Variants in SLC44A5 observed in about 807,000 individuals in gnomAD.
SLC44A5 encodes the protein choline transporter-like protein 5.
Under a neutral mutation model 101.8 loss-of-function variants are expected in SLC44A5, and 57 were observed. The observed-to-expected ratio is 0.56, with a 90% confidence interval of 0.45 to 0.70. The LOEUF (loss-of-function observed/expected upper bound fraction) is 0.70. SLC44A5 is among the 30% of genes least tolerant of loss of function. The probability of loss-of-function intolerance (pLI) is 0.00; values close to 1 mark genes in which losing one functional copy is unlikely to be tolerated. For synonymous variants in SLC44A5, 281 were observed against 290.9 expected, an observed-to-expected ratio of 0.97 and a Z score of 0.35; for missense variants, 737 against 853.1, an observed-to-expected ratio of 0.86 and a Z score of 1.70.
intron 3 of SLC44A5, among the ~76,000 whole-genome samples, chr1:75,367,275 G>A (rs542195088): frequency 6.6e-6 from 1 of 152,322 alleles, no homozygotes; most frequent in Admixed American, 6.5e-5. Context: ...AGTTCTTGCT[G>A]GGTCCACAGT....
intron 12 of SLC44A5, among the ~76,000 whole-genome samples, chr1:75,228,378 C>A: frequency 6.6e-6 from 1 of 151,964 alleles, no homozygotes; most frequent in East Asian, 1.9e-4. Flanking sequence ...CTTCCACTTT[C>A]TTTTGTTATT....
intron 2 of SLC44A5, among the ~76,000 whole-genome samples, chr1:75,502,790 T>C (rs1669038060): frequency 6.6e-6 from 1 of 150,860 alleles, no homozygotes; most frequent in Non-Finnish European, 1.5e-5. Context: ...AAAATTAATA[T>C]TACAAAAATG....
At chr1:75,550,667 A>ACAG (rs1282985524) in intron 1 of SLC44A5, among the ~76,000 whole-genome samples, 3 of 152,172 alleles carry the variant, frequency 2.0e-5, no homozygotes, top group African/African-American at 7.2e-5. Context: ...AAAAGCAGTA[A>ACAG]CAGCAGAGAC....
chr1:75,302,116 T>TTTTG (rs1654518563), intron 4 of SLC44A5, among the ~76,000 whole-genome samples: 21 of 136,158 alleles, frequency 1.5e-4, no homozygotes, highest in Non-Finnish European at 1.1e-4. Context: ...TTTTTTGTTT[T>TTTTG]TTTTTTTTTT....
In SLC44A5 at chr1:75,316,376, CCCAGCTTAAATGTTACCACCTCTGTGAAG is replaced by C. The variant is rs1292944868; in HGVS notation, c.102-15720_102-15692del. On this transcript the variant is annotated intron_variant, in intron 4 of 23. Transcript: ENST00000370859. ...AAAACTTGTTAAAACATCATCAACA[CCCAGCTTAAATGTTACCACCTCTGTGAAG>C]CCAGCTTAAATGTTACCACCTCTGT... Among the ~76,000 whole-genome samples the C allele has an allele frequency of 1.8e-3, 275 of 152,270 alleles. 1 individual carries two copies. The highest frequency in any genetic ancestry group is 6.0e-3 in the African/African-American group (251 of 41,544).
At chr1:75,326,080 T>C (rs1275661704) in intron 4 of SLC44A5, among the ~76,000 whole-genome samples, 2 of 140,742 alleles carry the variant, frequency 1.4e-5, no homozygotes, top group Non-Finnish European at 3.0e-5. Context: ...CAGATAGTGA[T>C]GTGCTCTCTC....
rs114454215 is a variant in SLC44A5 at position 75,307,477 on chromosome 1, G to A, written c.102-6792C>T. ...CATCTTTCAAGCTTCACTGAGATAC[G>A]TTTGGCAAACTGCAGACCATGCTGT... On this transcript the variant is annotated intron_variant, in intron 4 of 23. Coordinates refer to ENST00000370859, the MANE Select transcript of SLC44A5 (RefSeq NM_001130058.2). 5.1e-3 allele frequency among the ~76,000 whole-genome samples: 774 copies of A among 152,300 alleles called. 8 individuals are homozygous for A. Among genetic ancestry groups the A allele is most frequent in the African/African-American group, 0.018 (747 of 41,564 alleles).
chr1:75,674,882 G>A, the SLC44A5 span, among the ~76,000 whole-genome samples: 1 of 152,106 alleles, frequency 6.6e-6, no homozygotes, highest in African/African-American at 2.4e-5. Context: ...ATTCTCCATT[G>A]CTTGTTTTTG....
chr1:75,230,798 G>A (rs1647483856), intron 12 of SLC44A5, among the ~76,000 whole-genome samples: 1 of 152,034 alleles, frequency 6.6e-6, no homozygotes, highest in South Asian at 2.1e-4. Context: ...TGTATTTTTA[G>A]TAGAGACAGG....
At chr1:75,352,439 T>G (rs1480521704) in intron 3 of SLC44A5, among the ~76,000 whole-genome samples, 1 of 149,852 alleles carries the variant, frequency 6.7e-6, no homozygotes, top group Non-Finnish European at 1.5e-5. Flanking sequence ...CTGTTTTTTG[T>G]TTTTTTTTTA....
intron 2 of SLC44A5, among the ~76,000 whole-genome samples, chr1:75,533,536 C>T (rs1263939178): frequency 6.6e-6 from 1 of 152,164 alleles, no homozygotes; most frequent in African/African-American, 2.4e-5. Flanking sequence ...TACCTGATTA[C>T]AAAACTTATC....
chr1:75,641,502 C>T, the SLC44A5 span: 2 of 1,462,086 alleles, frequency 1.4e-6, no homozygotes, highest in South Asian at 2.3e-5. Context: ...TAAATGTAAA[C>T]ATTGTGATCT....
the SLC44A5 span, among the ~76,000 whole-genome samples, chr1:75,698,253 G>A: frequency 6.6e-6 from 1 of 152,216 alleles, no homozygotes; most frequent in Admixed American, 6.5e-5. Flanking sequence ...AAATGTCCCT[G>A]TCTGACAGCT....
intron 1 of SLC44A5, among the ~76,000 whole-genome samples, chr1:75,557,340 G>A (rs964540144): frequency 2.6e-5 from 4 of 152,110 alleles, no homozygotes; most frequent in Non-Finnish European, 5.9e-5. Flanking sequence ...ACTTTTTAGA[G>A]TAGCATTATT....
At chr1:75,584,124 G>C (rs1673859531) in intron 1 of SLC44A5, among the ~76,000 whole-genome samples, 1 of 152,208 alleles carries the variant, frequency 6.6e-6, no homozygotes, top group Admixed American at 6.5e-5. Context: ...AACTAACTGG[G>C]GAGGAGAGAT....
At position 75,281,649 on chromosome 1, in the gene SLC44A5, C is replaced by T. The variant is rs1011864234; in HGVS notation, c.176-6607G>A. Among the ~76,000 whole-genome samples the T allele has an allele frequency of 4.6e-4, 47 of 101,266 alleles. 3 individuals are homozygous for T. The highest frequency in any genetic ancestry group is 6.8e-4 in the Non-Finnish European group (30 of 44,220). The allele number at this position is 101,266 out of a possible 152,430, so 66.4% of individuals were successfully genotyped here. Reference sequence around the variant, plus strand: ...GGCTGGTGCCAGGCCCCCCCCCCCCCCCGCTGCATTTAGCCTAGGGACTTG... The same window carrying T: ...GGCTGGTGCCAGGCCCCCCCCCCCCTCCGCTGCATTTAGCCTAGGGACTTG... On this transcript the variant is annotated intron_variant, in intron 5 of 23. Transcript: ENST00000370859.
At chr1:75,281,636 G>GCCCCCCCCCC (rs71081324) in intron 5 of SLC44A5, among the ~76,000 whole-genome samples, 2 of 49,482 alleles carry the variant, frequency 4.0e-5, no homozygotes, top group African/African-American at 5.5e-5. Context: ...CTGGTGCCAG[G>GCCCCCCCCCC]CCCCCCCCCC....
chr1:75,618,383 C>T, the SLC44A5 span, among the ~76,000 whole-genome samples: 108 of 152,318 alleles, frequency 7.1e-4, 1 homozygote, highest in Non-Finnish European at 4.4e-5. Flanking sequence ...GACATTAAGG[C>T]CACAACTACC....
intron 1 of SLC44A5, among the ~76,000 whole-genome samples, chr1:75,564,693 C>A (rs1315773366): frequency 1.3e-5 from 2 of 151,494 alleles, no homozygotes; most frequent in Non-Finnish European, 2.9e-5. Flanking sequence ...CATATCGGCT[C>A]ACTGCAAGCT....
Sources: allele counts gnomAD v4.1 joint callset (sites outside exome capture counted in the v4.1 genomes callset), GRCh38; gene constraint gnomAD v4.1.1; transcripts MANE v1.5; gene names NCBI Gene and HGNC (gene_info 2026-07-23, HGNC 2026-07-21).